SRRM1: variants seen among roughly 807,000 people sequenced by gnomAD.
The protein encoded by SRRM1 is serine/arginine repetitive matrix protein 1.
Under a neutral mutation model 110.2 loss-of-function variants are expected in SRRM1, and 19 were observed. The observed-to-expected ratio is 0.17, with a 90% CI of 0.12 to 0.25. SRRM1 has a LOEUF of 0.25. Among genes scored for constraint, SRRM1 ranks in the 10% least tolerant of loss-of-function variants. The pLI, the probability that SRRM1 is intolerant of heterozygous loss-of-function variation, is 1.00. For missense variants in SRRM1, 918 were observed against 1,145.8 expected (o/e 0.80, Z 2.87); for synonymous variants, 443 against 414.9 (o/e 1.07, Z -0.82).
intron 15 of SRRM1, 138 bp from the exon 16 acceptor site, chr1:24,671,248 C>A: frequency 1.1e-6 from 1 of 902,562 alleles, no homozygotes; most frequent in African/African-American, 1.7e-5. Flanking sequence ...CTTGGGCCTT[C>A]CCCACTCACA....
At chr1:24,658,977 C>G (rs950443129) in intron 9 of SRRM1, among the ~76,000 whole-genome samples, 1 of 151,996 alleles carries the variant, frequency 6.6e-6, no homozygotes. Context: ...GTGGATCACC[C>G]GAGGTTGGGA....
chr1:24,670,465 G>A (rs1359705214), intron 15 of SRRM1, 150 bp downstream of exon 15: 2 of 838,610 alleles, frequency 2.4e-6, no homozygotes, highest in Middle Eastern at 2.6e-4. Flanking sequence ...GCAGGTTTCT[G>A]TATTGCATAA....
intron 1 of SRRM1, chr1:24,643,620 C>T: frequency 2.6e-6 from 1 of 390,506 alleles, no homozygotes; most frequent in Non-Finnish European, 4.5e-6. Flanking sequence ...TACCTCGCTG[C>T]CCGCCTGCCT....
intron 4 of SRRM1, among the ~76,000 whole-genome samples, chr1:24,649,626 G>T (rs1268935752): frequency 2.6e-5 from 4 of 152,116 alleles, no homozygotes; most frequent in Non-Finnish European, 5.9e-5. Context: ...TCTTAATATG[G>T]GCAATACAGA....
Position 24,654,896 on chromosome 1 carries a change from C to T in SRRM1, c.1082C>T (p.Ser361Leu). The T allele has an allele frequency of 1.2e-6, 2 of 1,614,172 alleles. No individual in the cohort carries two copies. Among genetic ancestry groups the T allele is most frequent in the African/African-American group, 1.3e-5 (1 of 75,026 alleles). Reference sequence around the variant, plus strand: ...GCATCCTTGTCTGGGAGTAGCTCATCATCCTCTTCATCTCGTTCACGGTCA... The same window carrying T: ...GCATCCTTGTCTGGGAGTAGCTCATTATCCTCTTCATCTCGTTCACGGTCA... ...SSASLSGSSS[S>L]SSSSRSRSPP... The change falls in exon 9 of 17, where the codon TCA (serine) becomes TTA (leucine). Residue 361 changes from serine (S) to leucine (L), a missense_variant. This residue lies in a region of SRRM1 where 456 missense variants were observed against 453.5 expected (regional missense o/e 1.01). Coordinates refer to ENST00000323848, the MANE Select transcript of SRRM1 (RefSeq NM_005839.4).
Position 24,649,966 on chromosome 1 carries a change from T to C in SRRM1, c.406-5T>C. On this transcript the variant is annotated splice_polypyrimidine_tract_variant and splice_region_variant and intron_variant, in intron 4 of 16. Coordinates refer to ENST00000323848, the MANE Select transcript of SRRM1 (RefSeq NM_005839.4). ...ATGTGTATTTTGAAAACCTGGTCTT[T>C]GCAGATTGAACAAGAAAAACTGGCA... is the stretch of plus-strand genomic sequence containing the variant. 1 of 1,569,734 alleles carries C rather than the reference T, an allele frequency of 6.4e-7. No homozygotes were observed.
At chr1:24,648,830 G>C in intron 3 of SRRM1, 29 bp from the exon 4 acceptor site, 1 of 1,602,682 alleles carries the variant, frequency 6.2e-7, no homozygotes, top group Non-Finnish European at 8.5e-7. Context: ...GAAGTAACCT[G>C]TTTTTCTTCC....
At chr1:24,662,511 CATATATTGATA>C in intron 11 of SRRM1, 138 bp from the exon 12 acceptor site, 1 of 609,994 alleles carries the variant, frequency 1.6e-6, no homozygotes. Context: ...AATCATTGAT[CATATATTGATA>C]ATGATTCTGT....
At position 24,652,555 on chromosome 1, in the gene SRRM1, A is replaced by G; in HGVS notation, c.847A>G (p.Lys283Glu). Residue 283 changes from lysine to glutamate, a missense_variant, in exon 7 of 17, where the codon AAA becomes GAA. Around this residue, in one of 5 missense-constraint regions of SRRM1, gnomAD observed 456 missense variants for 453.5 expected, o/e 1.01. Transcript: ENST00000323848. ...KTRPRSRSRS[K>E]SRSRTRSRSP... The stretch of plus-strand genomic sequence containing the variant: ...CCGACCACGATCTCGGTCACGCTCC[A>G]AATCAAGATCCCGGACGCGGTCCCG... 3 of 1,614,000 alleles carry G rather than the reference A, an allele frequency of 1.9e-6. No homozygotes were observed. Among genetic ancestry groups the G allele is most frequent in the Non-Finnish European group, 2.5e-6 (3 of 1,179,996 alleles).
chr1:24,650,336 A>T (rs947931494), intron 5 of SRRM1, among the ~76,000 whole-genome samples: 3 of 152,224 alleles, frequency 2.0e-5, no homozygotes. Flanking sequence ...TCAAAACTTT[A>T]AACTTTTTCT....
At chr1:24,668,943 C>T (rs1671396646) in intron 13 of SRRM1, among the ~76,000 whole-genome samples, 180 bp from the exon 14 acceptor site, 1 of 152,040 alleles carries the variant, frequency 6.6e-6, no homozygotes. Flanking sequence ...GTGTTGCAGT[C>T]AGCTGAGATA....
At chr1:24,666,214 T>A (rs987635004) in intron 12 of SRRM1, among the ~76,000 whole-genome samples, 17 of 152,224 alleles carry the variant, frequency 1.1e-4, no homozygotes, top group African/African-American at 3.9e-4. Context: ...CTCTGTGTCA[T>A]GTCAAGAATG....
At chr1:24,665,665 A>G (rs1297255491) in intron 12 of SRRM1, among the ~76,000 whole-genome samples, 1 of 152,144 alleles carries the variant, frequency 6.6e-6, no homozygotes, top group African/African-American at 2.4e-5. Context: ...GTAAGCCCAG[A>G]TCGTGCCAGT....
Position 24,670,266 on chromosome 1 carries a change from T to G in SRRM1, c.2351T>G (p.Val784Gly). 6.2e-7 allele frequency: 1 copy of G among 1,613,994 alleles called. No individual in the cohort carries two copies. ...CCGTCTACAAACTGGTCACCAGCTG[T>G]ACCGGTCAAAAAGGCCAAAAGCCCA... The part of the protein sequence containing the change: ...QSPSTNWSPA[V>G]PVKKAKSPTP... The change falls in exon 15 of 17, where the codon GTA (valine) becomes GGA (glycine). Residue 784 changes from valine to glycine, a missense_variant. Around this residue, in one of 5 missense-constraint regions of SRRM1, gnomAD observed 357 missense variants for 402.9 expected, o/e 0.89. Transcript: ENST00000323848.
chr1:24,672,082 C>T (rs1046669437), intron 16 of SRRM1, 100 bp from the exon 17 acceptor site: 29 of 863,542 alleles, frequency 3.4e-5, no homozygotes, highest in Admixed American at 1.8e-4. Context: ...CAACAGTCCC[C>T]GGTGTGTGAT....
chr1:24,661,597 T>C (rs1229779581), intron 11 of SRRM1, among the ~76,000 whole-genome samples: 1 of 152,132 alleles, frequency 6.6e-6, no homozygotes, highest in Non-Finnish European at 1.5e-5. Context: ...AAGTAATAGG[T>C]CCCTAGGATA....
chr1:24,646,078 T>C lies in SRRM1; in HGVS notation c.111+5T>C. On this transcript the variant is annotated splice_donor_5th_base_variant and intron_variant, in intron 2 of 16. Transcript: ENST00000323848. ...GCAGAATGCCTAGAAAAAAAGGTAT[T>C]CTTCTGGATGAGACTGTTGTGCATC... is the stretch of plus-strand genomic sequence containing the variant. The C allele has an allele frequency of 6.2e-7, 1 of 1,607,230 alleles. No homozygotes were observed. Among genetic ancestry groups the C allele is most frequent in the Non-Finnish European group, 8.5e-7 (1 of 1,174,892 alleles).
At chr1:24,644,976 T>C (rs1004734488) in intron 1 of SRRM1, among the ~76,000 whole-genome samples, 2 of 152,196 alleles carry the variant, frequency 1.3e-5, no homozygotes, top group Admixed American at 1.3e-4. Context: ...AAGAGTTAAC[T>C]GGATTTAAGA....
At chr1:24,659,486 T>TCA (rs1430409282) in intron 9 of SRRM1, among the ~76,000 whole-genome samples, 1 of 152,196 alleles carries the variant, frequency 6.6e-6, no homozygotes, top group Non-Finnish European at 1.5e-5. Context: ...CTTATTGGGA[T>TCA]GTTCTCAAGT....
Sources: allele counts gnomAD v4.1 joint callset (sites outside exome capture counted in the v4.1 genomes callset), GRCh38; gene constraint gnomAD v4.1.1; regional missense constraint gnomAD v4.1.1; transcripts MANE v1.5; gene names NCBI Gene and HGNC (gene_info 2026-07-23, HGNC 2026-07-21).